The following STK32B variants were observed in gnomAD, a reference collection of about 807,000 sequenced individuals.
The protein encoded by STK32B is serine/threonine kinase 32B, also known as serine/threonine-protein kinase 32B.
STK32B carries 43 observed loss-of-function variants against 52.6 expected under a neutral mutation model. The ratio of observed to expected loss-of-function variants is 0.82; its 90% CI spans 0.64 to 1.05. STK32B has a LOEUF of 1.05. STK32B is among the 50% of genes least tolerant of loss of function. STK32B has a pLI of 0.00. For synonymous variants in STK32B, 238 were observed against 204.3 expected, an observed-to-expected ratio of 1.17 and a Z score of -1.41; for missense variants, 621 against 534.6, an observed-to-expected ratio of 1.16 and a Z score of -1.59.
chr4:5,172,192 G>GT (rs1373332346), intron 3 of STK32B, among the ~76,000 whole-genome samples: 1 of 152,050 alleles, frequency 6.6e-6, no homozygotes, highest in Non-Finnish European at 1.5e-5. Flanking sequence ...TGCTTATTAG[G>GT]TTAAGGAGAT....
chr4:5,168,193 C>A, intron 2 of STK32B, 106 bp from the exon 3 acceptor site: 1 of 1,424,760 alleles, frequency 7.0e-7, no homozygotes, highest in Non-Finnish European at 9.4e-7. Flanking sequence ...ATTTCAAGAA[C>A]AGGGACGTGA....
chr4:5,051,327 A>G (rs1741763370), upstream of STK32B: 1 of 155,496 alleles, frequency 6.4e-6, no homozygotes, highest in African/African-American at 2.4e-5. Context: ...GGTGCTGACA[A>G]ACCGCTTACT....
chr4:5,457,397 A>T (rs1281492859), intron 8 of STK32B, among the ~76,000 whole-genome samples: 1 of 150,564 alleles, frequency 6.6e-6, no homozygotes, highest in Non-Finnish European at 1.5e-5. Flanking sequence ...TTGTATTTTT[A>T]GTAGAGACGG....
At chr4:5,278,082 G>A (rs1006407140) in intron 3 of STK32B, among the ~76,000 whole-genome samples, 2 of 152,220 alleles carry the variant, frequency 1.3e-5, no homozygotes, top group Admixed American at 6.5e-5. Context: ...GGTGACTCAG[G>A]TGACTAATGA....
At chr4:5,248,146 C>T (rs1725597172) in intron 3 of STK32B, among the ~76,000 whole-genome samples, 1 of 152,188 alleles carries the variant, frequency 6.6e-6, no homozygotes, top group South Asian at 2.1e-4. Context: ...CTAGTGTTCC[C>T]ATTTTATAAG....
chr4:5,245,382 C>T (rs1255445120), intron 3 of STK32B, among the ~76,000 whole-genome samples: 1 of 152,132 alleles, frequency 6.6e-6, no homozygotes, highest in Non-Finnish European at 1.5e-5. Flanking sequence ...TCTGTTTTAT[C>T]AGAGACTAGG....
At chr4:5,303,139 CAT>C (rs148923927) in intron 3 of STK32B, among the ~76,000 whole-genome samples, 11,242 of 151,996 alleles carry the variant, frequency 0.074, 731 homozygotes, top group African/African-American at 0.17. Context: ...CTGCCGTAAA[CAT>C]GTGTGTGCAG....
At position 5,051,756 on chromosome 4, in the gene STK32B, A is replaced by G. The variant is rs60688282; in HGVS notation, c.-108A>G. 6.0e-5 allele frequency: 89 copies of G among 1,490,442 alleles called. No individual in the cohort carries two copies. The highest frequency in any genetic ancestry group is 1.8e-4 in the Middle Eastern group (1 of 5,640). 92.3% of individuals were successfully genotyped at this position (1,490,442 alleles called of 1,614,324 possible). A position where few individuals can be genotyped will look rare whatever the true frequency, so the allele number is the denominator to read the frequency against. The stretch of plus-strand genomic sequence containing the variant: ...CCCCTCGGGCTCCGCGCGCGGCTAC[A>G]ACCCGGACTGGGCGCGCCCCCGGCA... On this transcript the variant is annotated 5_prime_UTR_variant, in exon 1 of 12. Transcript: ENST00000282908.
At chr4:5,491,117 T>C (rs927656988) in intron 11 of STK32B, among the ~76,000 whole-genome samples, 3 of 152,234 alleles carry the variant, frequency 2.0e-5, no homozygotes, top group African/African-American at 7.2e-5. Context: ...TCAAATGGTA[T>C]TTCCAGTTCT....
intron 6 of STK32B, among the ~76,000 whole-genome samples, chr4:5,436,268 A>G (rs991875128): frequency 7.9e-5 from 12 of 152,254 alleles, no homozygotes; most frequent in Non-Finnish European, 1.3e-4. Context: ...GCACATCAGC[A>G]CACGAAAGGC....
intron 1 of STK32B, among the ~76,000 whole-genome samples, chr4:5,077,395 TG>T (rs1412376001): frequency 6.6e-6 from 1 of 152,098 alleles, no homozygotes. Context: ...CAGATGTCAC[TG>T]CCGTTGCCAC....
intron 3 of STK32B, among the ~76,000 whole-genome samples, chr4:5,286,161 C>T (rs1473175539): frequency 6.6e-6 from 1 of 152,164 alleles, no homozygotes; most frequent in Non-Finnish European, 1.5e-5. Flanking sequence ...AGCCACCTGG[C>T]TGTGGTACTT....
At chr4:5,143,034 G>A (rs1343523306) in intron 2 of STK32B, among the ~76,000 whole-genome samples, 2 of 152,168 alleles carry the variant, frequency 1.3e-5, no homozygotes, top group African/African-American at 4.8e-5. Flanking sequence ...AAAGTCAGAA[G>A]TCAGATTTGC....
the STK32B span, among the ~76,000 whole-genome samples, chr4:5,045,065 C>T: frequency 6.6e-6 from 1 of 152,216 alleles, no homozygotes; most frequent in Non-Finnish European, 1.5e-5. Context: ...TTTGCCTTGC[C>T]TCAGTCTACT....
chr4:5,468,981 C>G lies in STK32B; in HGVS notation c.1106+911C>G, dbSNP rs188351821. 8.6e-4 allele frequency among the ~76,000 whole-genome samples: 129 copies of G among 150,250 alleles called. 1 individual carries two copies. Among genetic ancestry groups the G allele is most frequent in the Non-Finnish European group, 6.8e-4 (46 of 67,802 alleles). ...AGGAGAATGGTGTGAACCCGGGAGGCAGAGCTTGCAGTGAGCCGAGATCGC... is the reference window on the plus strand; with the variant it reads ...AGGAGAATGGTGTGAACCCGGGAGGGAGAGCTTGCAGTGAGCCGAGATCGC... On this transcript the variant is annotated intron_variant, in intron 11 of 11. Coordinates refer to ENST00000282908, the MANE Select transcript of STK32B (RefSeq NM_018401.3).
chr4:5,477,855 G>T (rs1485850632), intron 11 of STK32B, among the ~76,000 whole-genome samples: 2 of 152,204 alleles, frequency 1.3e-5, no homozygotes, highest in Non-Finnish European at 2.9e-5. Flanking sequence ...GGGCCAGAGT[G>T]TGTGGTGAGG....
At chr4:5,485,752 C>G (rs1161868313) in intron 11 of STK32B, among the ~76,000 whole-genome samples, 2 of 152,164 alleles carry the variant, frequency 1.3e-5, no homozygotes, top group African/African-American at 4.8e-5. Flanking sequence ...TGGTGATGTA[C>G]AGATGGGGTT....
intron 4 of STK32B, among the ~76,000 whole-genome samples, chr4:5,361,776 T>C (rs975019385): frequency 1.3e-5 from 2 of 152,196 alleles, no homozygotes; most frequent in African/African-American, 4.8e-5. Flanking sequence ...ATATAGGCCA[T>C]GGGAAAGCAA....
chr4:5,336,054 T>A (rs1443798415), intron 4 of STK32B, among the ~76,000 whole-genome samples: 1 of 150,058 alleles, frequency 6.7e-6, no homozygotes, highest in Non-Finnish European at 1.5e-5. Context: ...GAGGGTAAAA[T>A]GGAGAGTGCC....
Sources: gnomAD v4.1 joint callset for allele counts (sites outside exome capture counted in the v4.1 genomes callset) on GRCh38, gnomAD v4.1.1 for gene constraint, MANE v1.5 for transcripts, NCBI Gene and HGNC (gene_info 2026-07-23, HGNC 2026-07-21) for gene names.